The following GNG2 variants were observed in gnomAD, a reference collection of about 807,000 sequenced individuals.
GNG2 encodes guanine nucleotide-binding protein G(I)/G(S)/G(O) subunit gamma-2.
GNG2 carries 5 observed loss-of-function variants against 5.5 expected under a neutral mutation model. The ratio of observed to expected loss-of-function variants is 0.91; its 90% CI spans 0.48 to 1.92. The LOEUF is 1.92. Ranked by LOEUF, GNG2 falls within the 30% of genes most tolerant of loss-of-function variation. The pLI is 0.01. For synonymous variants in GNG2, 28 were observed against 32.0 expected (o/e 0.88, Z 0.42); for missense variants, 55 against 88.4 (o/e 0.62, Z 1.52).
chr14:51,920,041 C>T (rs1204826680), intron 2 of GNG2, among the ~76,000 whole-genome samples: 10 of 152,136 alleles, frequency 6.6e-5, no homozygotes, highest in African/African-American at 2.2e-4. Flanking sequence ...TCCATGGATA[C>T]TCAAGTCCCT....
intron 2 of GNG2, 181 bp downstream of exon 2, chr14:51,877,838 T>G (rs1159271880): frequency 6.0e-5 from 15 of 252,026 alleles, no homozygotes; most frequent in Non-Finnish European, 8.0e-6. Context: ...CTGTCTTTAA[T>G]GATAGTTAAA....
chr14:51,952,936 T>C (rs957985486), intron 3 of GNG2, among the ~76,000 whole-genome samples: 1 of 152,214 alleles, frequency 6.6e-6, no homozygotes, highest in Non-Finnish European at 1.5e-5. Context: ...TTCAGGCCCT[T>C]TAGCAGTGTA....
intron 2 of GNG2, among the ~76,000 whole-genome samples, chr14:51,831,725 A>G (rs769678968): frequency 1.3e-4 from 20 of 152,212 alleles, no homozygotes; most frequent in Non-Finnish European, 2.1e-4. Flanking sequence ...GAGAAGCTCT[A>G]CTATAACTGA....
At chr14:51,876,923 C>G (rs184081160) in intron 1 of GNG2, among the ~76,000 whole-genome samples, 1 of 152,302 alleles carries the variant, frequency 6.6e-6, no homozygotes, top group African/African-American at 2.4e-5. Context: ...TCCCTTTGAG[C>G]TGAGTGCTCT....
rs139460764 is a variant in GNG2, at chr14:51,866,853, C to T, written c.-71+6063C>T. 2.7e-3 allele frequency among the ~76,000 whole-genome samples: 413 copies of T among 152,320 alleles called. 1 individual carries two copies. Among genetic ancestry groups the T allele is most frequent in the Non-Finnish European group, 5.0e-3 (339 of 68,020 alleles). On this transcript the variant is annotated intron_variant, in intron 1 of 3. Transcript: ENST00000556766. ...TGTAGGGGGACAGAAAGATCTGCGT[C>T]ATTCACATCATTCATTCTCCTCTTC...
intron 2 of GNG2, among the ~76,000 whole-genome samples, chr14:51,837,178 A>G (rs1881355661): frequency 6.6e-6 from 1 of 152,126 alleles, no homozygotes; most frequent in Non-Finnish European, 1.5e-5. Context: ...CTTAACGTTG[A>G]TGAAATAAAA....
intron 2 of GNG2, among the ~76,000 whole-genome samples, chr14:51,902,702 G>A (rs147008581): frequency 1.9e-3 from 296 of 152,240 alleles, no homozygotes; most frequent in African/African-American, 6.8e-3. Context: ...GACCAGCCTG[G>A]ACAACATAGA....
chr14:51,872,447 A>G (rs1883369787), intron 1 of GNG2, among the ~76,000 whole-genome samples: 1 of 152,208 alleles, frequency 6.6e-6, no homozygotes, highest in South Asian at 2.1e-4. Context: ...AGAAATCAAC[A>G]TATCAAAATT....
At chr14:51,851,794 G>C (rs1443943852) in intron 2 of GNG2, among the ~76,000 whole-genome samples, 1 of 151,978 alleles carries the variant, frequency 6.6e-6, no homozygotes. Context: ...TCAGCTGTGG[G>C]GCATGAACAA....
intron 2 of GNG2, among the ~76,000 whole-genome samples, chr14:51,846,370 A>G (rs1881628963): frequency 6.6e-6 from 1 of 152,184 alleles, no homozygotes; most frequent in Admixed American, 6.5e-5. Flanking sequence ...GGATTAATCA[A>G]TTTTTCTTAT....
chr14:51,933,566 T>C (rs1887784463), intron 2 of GNG2, among the ~76,000 whole-genome samples: 2 of 152,188 alleles, frequency 1.3e-5, no homozygotes, highest in African/African-American at 4.8e-5. Context: ...GGCATTGCTT[T>C]AGTAAGGTGG....
chr14:51,830,001 C>T (rs1452441699), intron 2 of GNG2, among the ~76,000 whole-genome samples: 1 of 152,160 alleles, frequency 6.6e-6, no homozygotes. Flanking sequence ...CACCACCATG[C>T]CTGGCTAATT....
chr14:51,856,569 A>T (rs565278326), upstream of GNG2, among the ~76,000 whole-genome samples: 5 of 152,188 alleles, frequency 3.3e-5, no homozygotes, highest in Admixed American at 2.6e-4. Flanking sequence ...AGTAGTTGGG[A>T]CTACAGGCGT....
At chr14:51,928,012 TTCTC>T (rs1251065426) in intron 2 of GNG2, among the ~76,000 whole-genome samples, 3 of 144,876 alleles carry the variant, frequency 2.1e-5, no homozygotes, top group South Asian at 2.2e-4. Flanking sequence ...GTATTTGCCT[TTCTC>T]TCTCTCTCTC....
chr14:51,896,178 A>G (rs1461015087), intron 2 of GNG2, among the ~76,000 whole-genome samples: 2 of 152,228 alleles, frequency 1.3e-5, no homozygotes, highest in East Asian at 3.8e-4. Flanking sequence ...AAAAACATTA[A>G]CTAGGAGGAT....
At chr14:51,933,542 G>A (rs986034438) in intron 2 of GNG2, among the ~76,000 whole-genome samples, 9 of 152,178 alleles carry the variant, frequency 5.9e-5, no homozygotes, top group Admixed American at 3.3e-4. Context: ...TATTTTAGTT[G>A]TTTATATGCC....
chr14:51,865,546 T>C (rs1005871461), intron 1 of GNG2, among the ~76,000 whole-genome samples: 1 of 152,166 alleles, frequency 6.6e-6, no homozygotes, highest in Non-Finnish European at 1.5e-5. Context: ...CTAGCCTATA[T>C]TGACCTCTTC....
intron 2 of GNG2, among the ~76,000 whole-genome samples, chr14:51,929,573 A>G (rs748334809): frequency 5.3e-5 from 8 of 152,306 alleles, no homozygotes; most frequent in East Asian, 1.9e-4. Flanking sequence ...GTATGTACCC[A>G]GAGCCAAAAG....
At chr14:51,960,950 G>C (rs1286520970) in intron 3 of GNG2, among the ~76,000 whole-genome samples, 1 of 152,070 alleles carries the variant, frequency 6.6e-6, no homozygotes, top group Non-Finnish European at 1.5e-5. Context: ...GGCTCAAGAT[G>C]AATCCTCCAG....
Sources: allele counts gnomAD v4.1 joint callset (sites outside exome capture counted in the v4.1 genomes callset), GRCh38; gene constraint gnomAD v4.1.1; transcripts MANE v1.5; gene names NCBI Gene and HGNC (gene_info 2026-07-23, HGNC 2026-07-21).